PCDHGA1: variants seen among roughly 807,000 people sequenced by gnomAD.
The protein encoded by PCDHGA1 is protocadherin gamma subfamily A, 1.
Under a neutral mutation model 58.0 loss-of-function variants are expected in PCDHGA1, and 32 were observed. The observed-to-expected ratio is 0.55, with a 90% CI of 0.42 to 0.74. The LOEUF is 0.74. Ranked by LOEUF, PCDHGA1 falls within the 30% of genes least tolerant of loss-of-function variation. PCDHGA1 has a pLI of 0.00. For missense variants in PCDHGA1, 1,205 were observed against 1,182.3 expected, an observed-to-expected ratio of 1.02 and a Z score of -0.28; for synonymous variants, 498 against 501.1, an observed-to-expected ratio of 0.99 and a Z score of 0.08.
chr5:141,338,168 A>G (rs531451204), intron 1 of PCDHGA1, among the ~76,000 whole-genome samples: 1 of 152,274 alleles, frequency 6.6e-6, no homozygotes, highest in East Asian at 1.9e-4. Context: ...ACCATACTCT[A>G]TTATACTCTC....
At chr5:141,392,585 G>A (rs749915419) in intron 1 of PCDHGA1, 4 of 468,068 alleles carry the variant, frequency 8.5e-6, no homozygotes, top group Non-Finnish European at 1.5e-5. Context: ...TGTAAGCGCC[G>A]CTGTTCACCT....
intron 1 of PCDHGA1, chr5:141,346,215 T>G: frequency 6.2e-7 from 1 of 1,614,154 alleles, no homozygotes; most frequent in Non-Finnish European, 8.5e-7. Flanking sequence ...GCTGCAGGCT[T>G]CGGGAGGCGG....
At chr5:141,357,705 A>G (rs758183715) in intron 1 of PCDHGA1, 18 of 1,494,178 alleles carry the variant, frequency 1.2e-5, no homozygotes, top group Non-Finnish European at 1.6e-5. Flanking sequence ...TATGTAATAT[A>G]TCAAATAAAG....
rs778758819 is a variant in PCDHGA1, at chr5:141,339,502, C to T, written c.2421+6397C>T. Reference sequence around the variant, plus strand: ...AGTACGCACTCAACCCAAATGACCACTTCTCCCTGGACGTGCGAAGGGGAG... The same window carrying T: ...AGTACGCACTCAACCCAAATGACCATTTCTCCCTGGACGTGCGAAGGGGAG... On this transcript the variant is annotated intron_variant, in intron 1 of 3. Transcript: ENST00000517417. 4 of 1,614,166 alleles carry T rather than the reference C, an allele frequency of 2.5e-6. No homozygotes were observed. The South Asian group carries it at 4.4e-5, about 18-fold the overall frequency.
chr5:141,405,331 C>G (rs1561699778), intron 1 of PCDHGA1: 1 of 1,614,186 alleles, frequency 6.2e-7, no homozygotes, highest in Non-Finnish European at 8.5e-7. Flanking sequence ...CTTTGTGCGT[C>G]TCTGTTGATT....
At chr5:141,390,204 G>A in intron 1 of PCDHGA1, 1 of 1,614,036 alleles carries the variant, frequency 6.2e-7, no homozygotes, top group Non-Finnish European at 8.5e-7. Flanking sequence ...GTTGAGTTCA[G>A]GACAAGACAT....
At chr5:141,355,964 T>A (rs774218837) in intron 1 of PCDHGA1, 1 of 1,613,906 alleles carries the variant, frequency 6.2e-7, no homozygotes, top group East Asian at 2.2e-5. Context: ...CGTGAGAACG[T>A]TCCTGTAGGC....
intron 1 of PCDHGA1, among the ~76,000 whole-genome samples, chr5:141,335,654 C>T (rs1756576206): frequency 2.0e-5 from 3 of 152,102 alleles, no homozygotes; most frequent in South Asian, 2.1e-4. Context: ...ATCCGTTCTG[C>T]ACACAACAAA....
intron 1 of PCDHGA1, among the ~76,000 whole-genome samples, chr5:141,472,648 C>G (rs762736307): frequency 1.3e-5 from 2 of 151,864 alleles, no homozygotes; most frequent in African/African-American, 4.8e-5. Flanking sequence ...TGTGTTGAAT[C>G]AGTATATAAA....
chr5:141,490,338 C>A lies in PCDHGA1; in HGVS notation c.2422-4469C>A, dbSNP rs1408559629. Reference sequence around the variant, plus strand: ...CTGTCCTAGAGAGCACACCAGTGGGCACAGTAGTGGGGTTGTTTAATGTGC... The same window carrying A: ...CTGTCCTAGAGAGCACACCAGTGGGAACAGTAGTGGGGTTGTTTAATGTGC... On this transcript the variant is annotated intron_variant, in intron 1 of 3. Coordinates refer to ENST00000517417, the MANE Select transcript of PCDHGA1 (RefSeq NM_018912.3). This position sits in a 1 kb window ranked among gnomAD's most constrained non-coding sequence, Gnocchi z 5.4. 6.2e-7 allele frequency: 1 copy of A among 1,614,184 alleles called. No homozygotes were observed. The highest frequency in any genetic ancestry group is 1.7e-5 in the Admixed American group (1 of 60,032).
At chr5:141,356,757 C>T (rs1413768876) in intron 1 of PCDHGA1, 2 of 1,613,908 alleles carry the variant, frequency 1.2e-6, no homozygotes, top group Non-Finnish European at 1.7e-6. Flanking sequence ...CTCTTTGCTC[C>T]TTCGACTATG....
intron 1 of PCDHGA1, chr5:141,393,422 G>A: frequency 6.2e-7 from 1 of 1,614,042 alleles, no homozygotes; most frequent in Non-Finnish European, 8.5e-7. Context: ...TGGACAGGGA[G>A]GAAGAGGCTG....
At chr5:141,356,826 CA>C in intron 1 of PCDHGA1, 1 of 1,614,136 alleles carries the variant, frequency 6.2e-7, no homozygotes, top group Non-Finnish European at 8.5e-7. Flanking sequence ...ACCCTCCACT[CA>C]GCAGCAATGT....
At chr5:141,506,164 G>A (rs959032250) in intron 3 of PCDHGA1, among the ~76,000 whole-genome samples, 17 of 152,140 alleles carry the variant, frequency 1.1e-4, no homozygotes, top group Non-Finnish European at 2.4e-4. Context: ...TAAGAGCACA[G>A]CCTAAGCTGG....
intron 1 of PCDHGA1, chr5:141,400,105 T>C (rs1282646842): frequency 6.2e-7 from 1 of 1,613,938 alleles, no homozygotes; most frequent in Non-Finnish European, 8.5e-7. Context: ...GCACTTGGTC[T>C]TTGCTGACAG....
chr5:141,511,077 T>C lies in PCDHGA1; in HGVS notation c.2700T>C (p.Asn900=), dbSNP rs1279500774. ...YRQNVYIPGS[N]ATLTNAAGKR... is the part of the protein sequence containing the mutation. ...AGAATGTCTACATCCCAGGCAGCAA[T>C]GCCACACTGACCAACGCAGCTGGCA... is the stretch of plus-strand genomic sequence containing the variant. Residue 900 remains asparagine, a synonymous_variant, in exon 4 of 4, where the codon AAT becomes AAC. Transcript: ENST00000517417. 5 of 1,614,062 alleles carry C rather than the reference T, an allele frequency of 3.1e-6. No individual in the cohort carries two copies. The African/African-American group carries it at 6.7e-5, about 22-fold the overall frequency.
intron 1 of PCDHGA1, chr5:141,428,269 C>T (rs1326212294): frequency 1.3e-6 from 1 of 777,738 alleles, no homozygotes; most frequent in Non-Finnish European, 2.2e-6. Flanking sequence ...CAGTCCTGTG[C>T]CCTCTGATTC....
rs776076044 is a variant in PCDHGA1, at chr5:141,332,380, G to C, written c.1696G>C (p.Ala566Pro). The C allele has an allele frequency of 1.9e-6, 3 of 1,614,144 alleles. No homozygotes were observed. Among genetic ancestry groups the C allele is most frequent in the Non-Finnish European group, 2.5e-6 (3 of 1,180,032 alleles). ...CAACGCGCCCGAGATCCTGTACCCCGCCCTCCCCACAGATGGTTCTACCGG... is the reference window on the plus strand; with the variant it reads ...CAACGCGCCCGAGATCCTGTACCCCCCCCTCCCCACAGATGGTTCTACCGG... ...NDNAPEILYPALPTDGSTGVE... is the reference protein window; with the variant it reads ...NDNAPEILYPPLPTDGSTGVE... The change falls in exon 1 of 4, where the codon GCC becomes CCC. Residue 566 changes from alanine to proline, a missense_variant. Coordinates refer to ENST00000517417, the MANE Select transcript of PCDHGA1 (RefSeq NM_018912.3). This position sits in a 1 kb window ranked among gnomAD's most constrained non-coding sequence, Gnocchi z 4.6.
intron 1 of PCDHGA1, among the ~76,000 whole-genome samples, chr5:141,462,442 A>C (rs890167032): frequency 1.3e-5 from 2 of 152,150 alleles, no homozygotes; most frequent in African/African-American, 4.8e-5. Context: ...GCTTACACAC[A>C]ACTGTGTAAC....
Sources: allele counts gnomAD v4.1 joint callset (sites outside exome capture counted in the v4.1 genomes callset), GRCh38; gene constraint gnomAD v4.1.1; non-coding constraint Gnocchi (gnomAD v3.1); transcripts MANE v1.5; gene names NCBI Gene and HGNC (gene_info 2026-07-23, HGNC 2026-07-21).